The following STIM2 variants were observed in gnomAD, a reference collection of about 807,000 sequenced individuals.
STIM2 encodes the protein stromal interaction molecule 2.
In STIM2, 31 loss-of-function variants were observed where a neutral mutation model predicts 85.8. The ratio of observed to expected loss-of-function variants is 0.36; its 90% CI spans 0.27 to 0.49. The LOEUF (loss-of-function observed/expected upper bound fraction) is 0.49. STIM2 is among the 20% of genes least tolerant of loss of function. The pLI, the probability that STIM2 is intolerant of heterozygous loss-of-function variation, is 0.98. For synonymous variants in STIM2, 356 were observed against 331.1 expected (o/e 1.08, Z -0.82); for missense variants, 841 against 927.6 (o/e 0.91, Z 1.21).
intron 2 of STIM2, among the ~76,000 whole-genome samples, chr4:26,946,159 A>G (rs1053381358): frequency 1.3e-5 from 2 of 152,180 alleles, no homozygotes; most frequent in African/African-American, 4.8e-5. Context: ...TCAGTTGTAT[A>G]AAGATAGTGT....
chr4:26,882,400 T>G (rs1723045244), intron 1 of STIM2, among the ~76,000 whole-genome samples: 1 of 152,178 alleles, frequency 6.6e-6, no homozygotes, highest in South Asian at 2.1e-4. Context: ...AATGCCCCCT[T>G]GTAATTCTGG....
At position 27,008,070 on chromosome 4, in the gene STIM2, C is replaced by T. The variant is rs149101214; in HGVS notation, c.1150-358C>T. 5.7e-3 allele frequency: 3,937 copies of T among 696,328 alleles called. 13 individuals are homozygous for T. The highest frequency in any genetic ancestry group is 8.6e-3 in the Non-Finnish European group (3,274 of 379,310). The allele number at this position is 696,328 out of a possible 1,614,324, so 43.1% of individuals were successfully genotyped here. A position where few individuals can be genotyped will look rare whatever the true frequency, so the allele number is the denominator to read the frequency against. ...GTGTGGAATGAGAATAAGTCTTAAT[C>T]TGAATTCTAGCCAAAAAATTTAAAA... is the stretch of plus-strand genomic sequence containing the variant. On this transcript the variant is annotated intron_variant, in intron 8 of 11. Transcript: ENST00000467087.
intron 1 of STIM2, among the ~76,000 whole-genome samples, chr4:26,885,583 T>G (rs1364159766): frequency 6.6e-6 from 1 of 151,968 alleles, no homozygotes; most frequent in Non-Finnish European, 1.5e-5. Context: ...GTATGAAGGA[T>G]CCTCCTTTAA....
intron 2 of STIM2, among the ~76,000 whole-genome samples, chr4:26,940,327 C>T (rs1725562889): frequency 6.6e-6 from 1 of 152,114 alleles, no homozygotes; most frequent in Non-Finnish European, 1.5e-5. Flanking sequence ...TTTATTCAGG[C>T]CCATGGTTTT....
rs144488455 is a variant in STIM2 at position 26,935,771 on chromosome 4, CT to C, written c.282+16144del. Reference sequence around the variant, plus strand: ...GTAGACAGTATAGTTACAAATCTTACTTTTTTTATGATTAGGTCTTTGAAAA... The same window carrying C: ...GTAGACAGTATAGTTACAAATCTTACTTTTTTATGATTAGGTCTTTGAAAA... On this transcript the variant is annotated intron_variant, in intron 2 of 11. Coordinates refer to ENST00000467087, the MANE Select transcript of STIM2 (RefSeq NM_020860.4). Among the ~76,000 whole-genome samples, 883 of 152,178 alleles carry C rather than the reference CT, an allele frequency of 5.8e-3. 10 individuals carry two copies. Among genetic ancestry groups the C allele is most frequent in the African/African-American group, 0.02 (813 of 41,512 alleles).
At chr4:26,915,935 T>C (rs1443761792) in intron 1 of STIM2, among the ~76,000 whole-genome samples, 4 of 152,224 alleles carry the variant, frequency 2.6e-5, no homozygotes, top group African/African-American at 7.2e-5. Flanking sequence ...ATGAGGAAGA[T>C]GTACTAGTAT....
At chr4:26,899,348 A>G (rs1278293539) in intron 1 of STIM2, among the ~76,000 whole-genome samples, 1 of 152,098 alleles carries the variant, frequency 6.6e-6, no homozygotes, top group Non-Finnish European at 1.5e-5. Flanking sequence ...TTAGAGCTTT[A>G]CATTTATGTT....
At position 26,904,655 on chromosome 4, in the gene STIM2, G is replaced by A. The variant is rs555257833; in HGVS notation, c.152-14849G>A. On this transcript the variant is annotated intron_variant, in intron 1 of 11. Transcript: ENST00000467087. The stretch of plus-strand genomic sequence containing the variant: ...ACTGGAGTGGATTTTAAGAGAGAAA[G>A]GGAGGAGAAAAATTAGAGACAGCCA... Among the ~76,000 whole-genome samples, 4 of 152,216 alleles carry A rather than the reference G, an allele frequency of 2.6e-5. No homozygotes were observed. In the South Asian group the frequency reaches 6.2e-4, roughly 24 times the overall value.
intron 1 of STIM2, among the ~76,000 whole-genome samples, chr4:26,885,516 G>T (rs1238984057): frequency 2.0e-5 from 3 of 151,768 alleles, no homozygotes; most frequent in African/African-American, 4.8e-5. Flanking sequence ...TTTATTTTTT[G>T]GTATCTGCTA....
chr4:26,942,650 AAT>A (rs1725655995), intron 2 of STIM2, among the ~76,000 whole-genome samples: 1 of 152,056 alleles, frequency 6.6e-6, no homozygotes, highest in African/African-American at 2.4e-5. Flanking sequence ...GATATGGTTT[AAT>A]ATATTTTCCT....
In STIM2 at chr4:27,002,962, C is replaced by T; in HGVS notation, c.839C>T (p.Ala280Val). ...GCACAGGAAGAAAACAGAAATGTTG[C>T]TGTAGAAAAGCAAAATTTAGAGCGC... Residue 280 changes from alanine (A) to valine (V), a missense_variant, in exon 7 of 12, where the codon GCT becomes GTT. Physicochemically the swap from Ala to Val is moderately conservative, Grantham distance 64 (BLOSUM62 0). This residue lies in a region of STIM2 where 408 missense variants were observed against 525.4 expected (regional missense o/e 0.78). Transcript: ENST00000467087. The T allele has an allele frequency of 1.3e-6, 2 of 1,593,424 alleles. No individual in the cohort carries two copies. Among genetic ancestry groups the T allele is most frequent in the South Asian group, 2.3e-5 (2 of 86,606 alleles).
chr4:26,928,936 C>T (rs55809332), intron 2 of STIM2, among the ~76,000 whole-genome samples: 27,687 of 152,062 alleles, frequency 0.18, 2,794 homozygotes, highest in Admixed American at 0.24. Flanking sequence ...TATTTAAATG[C>T]AAACACAACA....
chr4:26,940,501 C>G (rs1360984210), intron 2 of STIM2, among the ~76,000 whole-genome samples: 10 of 152,114 alleles, frequency 6.6e-5, no homozygotes, highest in Non-Finnish European at 1.2e-4. Context: ...CCCATCACTG[C>G]CTTCCTTAAA....
chr4:27,008,605 T>G (rs1728450828), intron 9 of STIM2, 77 bp downstream of exon 9: 2 of 1,151,554 alleles, frequency 1.7e-6, no homozygotes, highest in African/African-American at 3.2e-5. Context: ...AATTTATATT[T>G]ATCATTTATA....
chr4:26,997,892 G>A (rs1428918028), intron 4 of STIM2, among the ~76,000 whole-genome samples: 1 of 152,214 alleles, frequency 6.6e-6, no homozygotes, highest in Non-Finnish European at 1.5e-5. Context: ...AAGCCTCATA[G>A]GAGTTCCTGT....
rs374862281 is a variant in STIM2, at chr4:27,008,894, G to C, written c.1381G>C (p.Asp461His). Residue 461 changes from aspartate to histidine, a missense_variant, in exon 10 of 12, where the codon GAT becomes CAT. Physicochemically the swap from Asp to His is moderately conservative, Grantham distance 81 (BLOSUM62 -1). Around this residue, in one of 3 missense-constraint regions of STIM2, gnomAD observed 408 missense variants for 525.4 expected, o/e 0.78. Transcript: ENST00000467087. ...CAGCCTGACCTCTTCCCTTTATTCT[G>C]ATCACAGCTGGGTGGTGATGCCCAG... The C allele has an allele frequency of 1.2e-6, 2 of 1,613,948 alleles. No homozygotes were observed. Among genetic ancestry groups the C allele is most frequent in the South Asian group, 2.2e-5 (2 of 91,086 alleles).
chr4:27,004,852 GCTTA>G (rs1214710215), intron 7 of STIM2, among the ~76,000 whole-genome samples: 1 of 152,180 alleles, frequency 6.6e-6, no homozygotes, highest in African/African-American at 2.4e-5. Context: ...TTTTCTGAGG[GCTTA>G]CTGTGTGCCA....
In STIM2 at chr4:26,888,829, T is replaced by C. The variant is rs189381011; in HGVS notation, c.151+27460T>C. Among the ~76,000 whole-genome samples, 520 of 152,352 alleles carry C rather than the reference T, an allele frequency of 3.4e-3. 7 individuals are homozygous for C. Among genetic ancestry groups the C allele is most frequent in the African/African-American group, 0.012 (500 of 41,584 alleles). On this transcript the variant is annotated intron_variant, in intron 1 of 11. Coordinates refer to ENST00000467087, the MANE Select transcript of STIM2 (RefSeq NM_020860.4). The stretch of plus-strand genomic sequence containing the variant: ...AGCGTGAAAGTAATTACAAGATCTC[T>C]CGTATTCTGGACTTAGTCTTTCATA...
In STIM2 at chr4:26,861,076, T is replaced by C. The variant is rs1722155152; in HGVS notation, c.-143T>C. 11 of 1,182,276 alleles carry C rather than the reference T, an allele frequency of 9.3e-6. No homozygotes were observed. The highest frequency in any genetic ancestry group is 4.7e-5 in the Admixed American group (1 of 21,410). The allele number at this position is 1,182,276 out of a possible 1,614,324, so 73.2% of individuals were successfully genotyped here. On this transcript the variant is annotated 5_prime_UTR_variant, in exon 1 of 12. Coordinates refer to ENST00000467087, the MANE Select transcript of STIM2 (RefSeq NM_020860.4). ...CGGCCGGAGGAGTCGCCGGCGGCGG[T>C]GGTGGCGCCTCGCGGAGCCGGCGAG...
Sources: allele counts gnomAD v4.1 joint callset (sites outside exome capture counted in the v4.1 genomes callset), GRCh38; gene constraint gnomAD v4.1.1; regional missense constraint gnomAD v4.1.1; transcripts MANE v1.5; gene names NCBI Gene and HGNC (gene_info 2026-07-23, HGNC 2026-07-21).